ZNF540: variants seen among roughly 807,000 people sequenced by gnomAD.
The protein encoded by ZNF540 is zinc finger protein 540, also known as CTD-3064H18.6.
ZNF540 carries 3 observed loss-of-function variants against 11.8 expected under a neutral mutation model. The ratio of observed to expected loss-of-function variants is 0.25; its 90% CI spans 0.12 to 0.65. The LOEUF is 0.65. Ranked by LOEUF, ZNF540 falls within the 30% of genes least tolerant of loss-of-function variation. ZNF540 has a pLI of 0.83. For synonymous variants in ZNF540, 247 were observed against 259.0 expected (o/e 0.95, Z 0.45); for missense variants, 709 against 793.1 (o/e 0.89, Z 1.27).
At position 37,611,856 on chromosome 19, in the gene ZNF540, TG is replaced by T. The variant is rs1248639866; in HGVS notation, c.579del (p.Ser194ValfsTer91). On this transcript the variant is annotated frameshift_variant, in exon 5 of 5. Transcript: ENST00000316433. LOFTEE classifies it low-confidence loss of function (END_TRUNC). The stretch of plus-strand genomic sequence containing the variant: ...ATGTGAAACATGATTGTAAAGAATG[TG>T]GGAGTACTTTTAATAATGTCTATCA... The part of the protein sequence containing the change: ...SDVKHDCKEC[G>X]STFNNVYQLT... The T allele has an allele frequency of 6.2e-7, 1 of 1,613,942 alleles. No individual in the cohort carries two copies.
chr19:37,564,610 C>A (rs199608137), intron 1 of ZNF540: 1 of 1,518,810 alleles, frequency 6.6e-7, no homozygotes. Context: ...AATTATGAAG[C>A]CTTGTATGTT....
chr19:37,556,022 A>T, intron 1 of ZNF540: 1 of 702,394 alleles, frequency 1.4e-6, no homozygotes, highest in African/African-American at 1.7e-5. Flanking sequence ...AAAAGTCAAC[A>T]TTTTGGAGTC....
intron 4 of ZNF540, among the ~76,000 whole-genome samples, chr19:37,610,788 A>G (rs1011562292): frequency 1.1e-4 from 17 of 152,140 alleles, no homozygotes; most frequent in African/African-American, 4.1e-4. Context: ...GTAAAGAAAA[A>G]CTGTTAAAAT....
rs1416523958 is a variant in ZNF540, at chr19:37,586,678, G to GT, written c.-72-11692dup. The GT allele has an allele frequency of 3.1e-6, 5 of 1,613,926 alleles. No individual in the cohort carries two copies. In the African/African-American group the frequency reaches 4.0e-5, roughly 13 times the overall value. ...GAAACAGCAACTCACGTGGGGCATG[G>GT]TTTTTTAGAACTGATCAATTTTCTG... On this transcript the variant is annotated intron_variant, in intron 1 of 4. Transcript: ENST00000592533.
At chr19:37,609,717 A>G (rs1168869376) in intron 4 of ZNF540, among the ~76,000 whole-genome samples, 7 of 150,442 alleles carry the variant, frequency 4.7e-5, no homozygotes, top group African/African-American at 1.5e-4. Context: ...GTTTGGTGGC[A>G]TGCACCTGTA....
rs542924112 is a variant in ZNF540 at position 37,561,122 on chromosome 19, T to A, written c.-73+9457T>A. The stretch of plus-strand genomic sequence containing the variant: ...CAGGTGTGGTGGTGCACACCTATAG[T>A]CCCAGCTACTTGGAAGGTTGAAGCA... On this transcript the variant is annotated intron_variant, in intron 1 of 4. Coordinates refer to the ZNF540 transcript ENST00000592533. Among the ~76,000 whole-genome samples the A allele has an allele frequency of 2.7e-5, 4 of 149,388 alleles. No individual in the cohort carries two copies. In the East Asian group the frequency reaches 7.8e-4, roughly 29 times the overall value.
chr19:37,559,886 T>A (rs1348088392), intron 1 of ZNF540, among the ~76,000 whole-genome samples: 1 of 152,218 alleles, frequency 6.6e-6, no homozygotes, highest in African/African-American at 2.4e-5. Flanking sequence ...GTCACCAGAC[T>A]GAAATGACAC....
intron 4 of ZNF540, among the ~76,000 whole-genome samples, chr19:37,602,546 G>C (rs2147227980): frequency 6.6e-6 from 1 of 152,254 alleles, no homozygotes; most frequent in East Asian, 1.9e-4. Context: ...TCGACTGTCT[G>C]GTCCTTTACA....
chr19:37,555,693 C>T (rs1046784767), intron 1 of ZNF540: 12 of 590,878 alleles, frequency 2.0e-5, no homozygotes, highest in South Asian at 1.0e-4. Context: ...GTTAAAGGCC[C>T]GATTGGCTTG....
chr19:37,597,730 A>G (rs758930257), intron 1 of ZNF540, among the ~76,000 whole-genome samples: 1 of 152,242 alleles, frequency 6.6e-6, no homozygotes, highest in African/African-American at 2.4e-5. Context: ...CCCAGCCAGC[A>G]AATGTTTTTT....
rs772411615 is a variant in ZNF540, at chr19:37,565,981, G to A, written c.-73+14316G>A. On this transcript the variant is annotated intron_variant, in intron 1 of 4. Coordinates refer to the ZNF540 transcript ENST00000592533. The stretch of plus-strand genomic sequence containing the variant: ...CATGTTGAATAAGGCATGACAGGTA[G>A]CTGAAACCTTGTCTGCATTCCTTAC... 11 of 1,613,654 alleles carry A rather than the reference G, an allele frequency of 6.8e-6. No individual in the cohort carries two copies. The South Asian group carries it at 7.7e-5, about 11-fold the overall frequency.
At position 37,599,765 on chromosome 19, in the gene ZNF540, A is replaced by G. The variant is rs1014570234; in HGVS notation, c.136+13A>G. The G allele has an allele frequency of 6.3e-7, 1 of 1,579,256 alleles. No homozygotes were observed. Among genetic ancestry groups the G allele is most frequent in the Non-Finnish European group, 8.6e-7 (1 of 1,161,680 alleles). On this transcript the variant is annotated intron_variant, in intron 3 of 4. Coordinates refer to ENST00000316433, the MANE Select transcript of ZNF540 (RefSeq NM_001172225.3). The stretch of plus-strand genomic sequence containing the variant: ...TTGGTCTCACTGGGTAAGGTCACCT[A>G]TGTCAAATAATGTAGACTCTGTTAT...
chr19:37,613,084 A>G lies in ZNF540; in HGVS notation c.1804A>G (p.Thr602Ala), dbSNP rs1306769046. The G allele has an allele frequency of 6.2e-7, 1 of 1,614,080 alleles. No homozygotes were observed. The highest frequency in any genetic ancestry group is 2.2e-5 in the East Asian group (1 of 44,860). Residue 602 changes from threonine to alanine, a missense_variant, in exon 5 of 5, where the codon ACT becomes GCT. Thr to Ala is a moderately conservative substitution (Grantham distance 58). Transcript: ENST00000316433. ...VDLRIHQRIH[T>A]GEKPYECKQC... ...CCTTAGAATACATCAAAGAATTCAT[A>G]CTGGTGAGAAACCCTATGAGTGTAA...
rs537975995 is a variant in ZNF540, at chr19:37,559,877, T to C, written c.-73+8212T>C. ...GCAGTTATCCTATTATAGTATACTG[T>C]CACCAGACTGAAATGACACCCACAC... On this transcript the variant is annotated intron_variant, in intron 1 of 4. Transcript: ENST00000592533. 2.3e-4 allele frequency among the ~76,000 whole-genome samples: 35 copies of C among 152,314 alleles called. No individual in the cohort carries two copies. The South Asian group carries it at 3.7e-3, about 16-fold the overall frequency.
At chr19:37,580,537 C>T (rs1431327193) in intron 1 of ZNF540, among the ~76,000 whole-genome samples, 2 of 152,202 alleles carry the variant, frequency 1.3e-5, no homozygotes, top group Non-Finnish European at 2.9e-5. Context: ...TTTGTACCCA[C>T]CAAATCTCAT....
intron 4 of ZNF540, 82 bp downstream of exon 4, chr19:37,601,187 C>A: frequency 8.2e-7 from 1 of 1,215,186 alleles, no homozygotes; most frequent in Non-Finnish European, 1.2e-6. Context: ...ACAGGCTTTG[C>A]ATGCTGTTTA....
At chr19:37,578,093 A>C (rs1274936535) in intron 1 of ZNF540, among the ~76,000 whole-genome samples, 2 of 152,154 alleles carry the variant, frequency 1.3e-5, no homozygotes, top group Non-Finnish European at 2.9e-5. Context: ...AATCTAACTA[A>C]TGCCTGATGA....
intron 2 of ZNF540, among the ~76,000 whole-genome samples, chr19:37,598,658 A>G (rs537648108): frequency 6.6e-6 from 1 of 152,232 alleles, no homozygotes; most frequent in South Asian, 2.1e-4. Context: ...GTCTCTGTCT[A>G]GGGCAGAGAT....
intron 1 of ZNF540, chr19:37,565,298 T>G: frequency 6.2e-7 from 1 of 1,611,250 alleles, no homozygotes; most frequent in Non-Finnish European, 8.5e-7. Context: ...GTAAGTAAGT[T>G]GTGAGCCACG....
Sources: gnomAD v4.1 joint callset for allele counts (sites outside exome capture counted in the v4.1 genomes callset) on GRCh38, gnomAD v4.1.1 for gene constraint, MANE v1.5 for transcripts, NCBI Gene and HGNC (gene_info 2026-07-23, HGNC 2026-07-21) for gene names.